Variants in CFAP57 observed in about 807,000 individuals in gnomAD.
The protein encoded by CFAP57 is cilia- and flagella-associated protein 57.
Under a neutral mutation model 146.8 loss-of-function variants are expected in CFAP57, and 116 were observed. The ratio of observed to expected loss-of-function variants is 0.79; its 90% confidence interval spans 0.68 to 0.92. CFAP57 has a LOEUF of 0.92. Ranked by LOEUF, CFAP57 falls within the 40% of genes least tolerant of loss-of-function variation. The pLI, the probability that CFAP57 is intolerant of heterozygous loss-of-function variation, is 0.00. For synonymous variants in CFAP57, 518 were observed against 552.8 expected, an observed-to-expected ratio of 0.94 and a Z score of 0.88; for missense variants, 1,377 against 1,527.2, an observed-to-expected ratio of 0.90 and a Z score of 1.64.
intron 17 of CFAP57, among the ~76,000 whole-genome samples, chr1:43,224,476 C>T (rs1331634905): frequency 6.6e-6 from 1 of 152,194 alleles, no homozygotes; most frequent in Non-Finnish European, 1.5e-5. Flanking sequence ...GTATCTTGCC[C>T]AGGGTCACAC....
intron 21 of CFAP57, among the ~76,000 whole-genome samples, chr1:43,240,290 G>T (rs12135483): frequency 0.19 from 28,928 of 152,132 alleles, 3,519 homozygotes; most frequent in African/African-American, 0.34. Context: ...GCCTCACATC[G>T]CTAAGCTGCT....
Position 43,232,621 on chromosome 1 carries a change from G to T in CFAP57, c.3123G>T (p.Gln1041His), listed in dbSNP as rs761347938. The T allele has an allele frequency of 1.6e-5, 24 of 1,537,450 alleles. No homozygotes were observed. The highest frequency in any genetic ancestry group is 2.0e-5 in the Non-Finnish European group (23 of 1,137,050). The change falls in exon 19 of 23, where the codon CAG becomes CAT. Residue 1041 changes from glutamine to histidine, a missense_variant. Transcript: ENST00000372492. ...ATDQEMRRER[Q>H]KERDLEALVK... ...ATCAGGAGATGCGCAGAGAGAGACA[G>T]AAGGTGTGAGGGTTTCAGAGTCTGG...
intron 21 of CFAP57, among the ~76,000 whole-genome samples, chr1:43,242,436 A>G (rs1372511641): frequency 2.7e-5 from 4 of 149,122 alleles, no homozygotes; most frequent in Admixed American, 2.0e-4. Context: ...ATAAACATTT[A>G]TTAGATGAAT....
chr1:43,199,270 A>AC (rs1644006605), intron 8 of CFAP57, 120 bp from the exon 9 acceptor site: 10 of 910,858 alleles, frequency 1.1e-5, no homozygotes, highest in African/African-American at 1.6e-5. Flanking sequence ...CCTTCCCCCC[A>AC]CTCCCACCCT....
chr1:43,199,625 G>T, intron 9 of CFAP57, 122 bp downstream of exon 9: 1 of 863,712 alleles, frequency 1.2e-6, no homozygotes, highest in Non-Finnish European at 1.9e-6. Context: ...CTGTCTACTT[G>T]GGGAAAGAGA....
intron 3 of CFAP57, among the ~76,000 whole-genome samples, chr1:43,182,385 A>G (rs892743171): frequency 1.3e-5 from 2 of 152,206 alleles, no homozygotes; most frequent in African/African-American, 2.4e-5. Context: ...GGGGGTCCCA[A>G]GGAGGTTTGA....
At chr1:43,220,381 CT>C (rs1644997927) in intron 13 of CFAP57, among the ~76,000 whole-genome samples, 1 of 152,306 alleles carries the variant, frequency 6.6e-6, no homozygotes, top group African/African-American at 2.4e-5. Flanking sequence ...TAGATTTGGT[CT>C]GGGACTCTCC....
intron 6 of CFAP57, among the ~76,000 whole-genome samples, chr1:43,191,760 A>C (rs1643549056): frequency 6.8e-6 from 1 of 147,378 alleles, no homozygotes; most frequent in African/African-American, 2.5e-5. Flanking sequence ...TCTAATCTTT[A>C]CTGTTTCCTT....
In CFAP57 at chr1:43,186,602, C is replaced by T. The variant is rs1341754892; in HGVS notation, c.970-105C>T. On this transcript the variant is annotated intron_variant, in intron 5 of 22. Transcript: ENST00000372492. ...CTCTGGCCTGGGCAAAAGAGCGAGA[C>T]TCCGTCTCAAAAAAAAAAAAAAAAA... The T allele has an allele frequency of 1.6e-5, 20 of 1,238,232 alleles. No individual in the cohort carries two copies. The African/African-American group carries it at 3.6e-4, about 22-fold the overall frequency. 76.7% of individuals were successfully genotyped at this position (1,238,232 alleles called of 1,614,324 possible). A position where few individuals can be genotyped will look rare whatever the true frequency, so the allele number is the denominator to read the frequency against.
At chr1:43,217,467 A>G (rs1317885129) in intron 12 of CFAP57, among the ~76,000 whole-genome samples, 1 of 152,136 alleles carries the variant, frequency 6.6e-6, no homozygotes, top group East Asian at 1.9e-4. Flanking sequence ...AGTGCTGACC[A>G]TGCTGCTAGT....
intron 19 of CFAP57, among the ~76,000 whole-genome samples, 193 bp from the exon 20 acceptor site, chr1:43,234,086 G>A (rs1325092344): frequency 6.6e-6 from 1 of 152,158 alleles, no homozygotes; most frequent in Admixed American, 6.5e-5. Context: ...AGGTGCACAA[G>A]ACTTTTCGTG....
chr1:43,192,062 T>C (rs1329622259), intron 6 of CFAP57, among the ~76,000 whole-genome samples: 1 of 138,336 alleles, frequency 7.2e-6, no homozygotes, highest in Admixed American at 6.8e-5. Flanking sequence ...TTCTGTTTGT[T>C]ATTAATTATT....
At chr1:43,216,125 C>T (rs763342584) in intron 12 of CFAP57, among the ~76,000 whole-genome samples, 33 of 152,204 alleles carry the variant, frequency 2.2e-4, no homozygotes, top group Non-Finnish European at 4.0e-4. Context: ...CAAAGCTACA[C>T]AGTCATTGCT....
intron 9 of CFAP57, among the ~76,000 whole-genome samples, chr1:43,203,003 C>G (rs1644199322): frequency 6.6e-6 from 1 of 151,874 alleles, no homozygotes; most frequent in African/African-American, 2.4e-5. Flanking sequence ...GAAACTCCGT[C>G]TCTACTAAAA....
chr1:43,237,820 C>T (rs1235480739), intron 21 of CFAP57, among the ~76,000 whole-genome samples: 1 of 150,882 alleles, frequency 6.6e-6, no homozygotes, highest in Non-Finnish European at 1.5e-5. Context: ...CATGCCATGC[C>T]AAAAAGTACA....
At position 43,172,453 on chromosome 1, in the gene CFAP57, G is replaced by T; in HGVS notation, c.-20G>T. On this transcript the variant is annotated splice_region_variant and 5_prime_UTR_variant, in exon 1 of 23. The change creates a premature stop within an existing upstream ORF in the 5' untranslated region. Transcript: ENST00000372492. Reference sequence around the variant, plus strand: ...TCTGCTGACCCAGAGAGAAACGAAAGGTGGGAGGGGGTACCTGGGGGTCGC... The same window carrying T: ...TCTGCTGACCCAGAGAGAAACGAAATGTGGGAGGGGGTACCTGGGGGTCGC... 5.2e-6 allele frequency: 8 copies of T among 1,546,208 alleles called. No homozygotes were observed. Among genetic ancestry groups the T allele is most frequent in the Non-Finnish European group, 7.0e-6 (8 of 1,143,568 alleles).
chr1:43,245,643 A>G (rs984441165), intron 22 of CFAP57, among the ~76,000 whole-genome samples: 2 of 152,208 alleles, frequency 1.3e-5, no homozygotes, highest in Non-Finnish European at 2.9e-5. Context: ...TCAGAAGCAG[A>G]TATCTCTGGA....
At chr1:43,190,401 G>A (rs1300223314) in intron 6 of CFAP57, among the ~76,000 whole-genome samples, 2 of 151,786 alleles carry the variant, frequency 1.3e-5, no homozygotes, top group Admixed American at 6.6e-5. Context: ...CTCCCGAGTA[G>A]CTGGAGCTAC....
intron 10 of CFAP57, among the ~76,000 whole-genome samples, chr1:43,207,931 T>C (rs1557773487): frequency 6.6e-6 from 1 of 152,264 alleles, no homozygotes; most frequent in Non-Finnish European, 1.5e-5. Flanking sequence ...CTATCAGTGC[T>C]GTGCCAGAAT....
Sources: gnomAD v4.1 joint callset for allele counts (sites outside exome capture counted in the v4.1 genomes callset) on GRCh38, gnomAD v4.1.1 for gene constraint, MANE v1.5 for transcripts, NCBI Gene and HGNC (gene_info 2026-07-23, HGNC 2026-07-21) for gene names.